CSMD1: variants seen among roughly 807,000 people sequenced by gnomAD.
CSMD1 encodes the protein CUB and Sushi multiple domains 1.
CSMD1 carries 213 observed loss-of-function variants against 417.5 expected under a neutral mutation model. That is an observed-to-expected ratio of 0.51 (90% CI 0.46 to 0.57). The LOEUF (loss-of-function observed/expected upper bound fraction) is 0.57. Among genes scored for constraint, CSMD1 ranks in the 20% least tolerant of loss-of-function variants. The pLI is 0.00. For synonymous variants in CSMD1, 2,862 were observed against 1,736.8 expected (o/e 1.65, Z -16.11); for missense variants, 6,923 against 4,529.7 (o/e 1.53, Z -15.17).
chr8:4,198,610 T>G (rs1412706853), intron 3 of CSMD1, among the ~76,000 whole-genome samples: 1 of 152,180 alleles, frequency 6.6e-6, no homozygotes, highest in East Asian at 1.9e-4. Flanking sequence ...GTAATGAGTC[T>G]TTAAGCATAT....
intron 2 of CSMD1, among the ~76,000 whole-genome samples, chr8:4,623,357 C>A (rs778339474): frequency 2.0e-5 from 3 of 152,040 alleles, no homozygotes; most frequent in African/African-American, 7.2e-5. Flanking sequence ...CAAAAACATA[C>A]AACAACTAAA....
At position 3,966,027 on chromosome 8, in the gene CSMD1, A is replaced by C. The variant is rs538182749; in HGVS notation, c.818+31876T>G. 6.6e-5 allele frequency among the ~76,000 whole-genome samples: 10 copies of C among 152,342 alleles called. No homozygotes were observed. In the East Asian group the frequency reaches 1.9e-3, roughly 29 times the overall value. On this transcript the variant is annotated intron_variant, in intron 5 of 69. Transcript: ENST00000635120. Reference sequence around the variant, plus strand: ...CATAGATTCAATTTTAGAAAGAAGCAGAAGACACTGGTGAGAGAATGAATG... The same window carrying C: ...CATAGATTCAATTTTAGAAAGAAGCCGAAGACACTGGTGAGAGAATGAATG...
chr8:4,297,361 A>G (rs887912542), intron 3 of CSMD1, among the ~76,000 whole-genome samples: 1 of 152,120 alleles, frequency 6.6e-6, no homozygotes, highest in Non-Finnish European at 1.5e-5. Flanking sequence ...AACAAAAGAT[A>G]AAAGATGCAG....
intron 11 of CSMD1, among the ~76,000 whole-genome samples, chr8:3,490,279 TTCAAGCTA>T (rs1234362699): frequency 6.6e-6 from 1 of 152,210 alleles, no homozygotes; most frequent in Non-Finnish European, 1.5e-5. Context: ...CATTTACAGA[TTCAAGCTA>T]TTGAGAGAAG....
chr8:3,185,810 A>T (rs1188862540), intron 36 of CSMD1, among the ~76,000 whole-genome samples: 1 of 152,238 alleles, frequency 6.6e-6, no homozygotes, highest in African/African-American at 2.4e-5. Flanking sequence ...CTCAGAGATT[A>T]ATATAGATTC....
At chr8:4,915,389 C>A (rs1024065817) in intron 1 of CSMD1, among the ~76,000 whole-genome samples, 1 of 152,140 alleles carries the variant, frequency 6.6e-6, no homozygotes, top group Admixed American at 6.6e-5. Context: ...GATTCTGATC[C>A]GTATTTTAGA....
intron 3 of CSMD1, among the ~76,000 whole-genome samples, chr8:4,402,372 G>C (rs376116188): frequency 1.1e-4 from 17 of 151,702 alleles, no homozygotes; most frequent in Admixed American, 1.1e-3. Context: ...CAATTCCCTT[G>C]TTCCTCTCTG....
intron 1 of CSMD1, among the ~76,000 whole-genome samples, chr8:4,759,493 C>A: frequency 6.6e-6 from 1 of 152,194 alleles, no homozygotes; most frequent in East Asian, 1.9e-4. Context: ...GTTTGCTGCA[C>A]CTATCAACCC....
At chr8:3,790,548 C>A (rs765322654) in intron 5 of CSMD1, among the ~76,000 whole-genome samples, 1 of 152,096 alleles carries the variant, frequency 6.6e-6, no homozygotes, top group Non-Finnish European at 1.5e-5. Flanking sequence ...ACAACAGAAA[C>A]TTAGACAACT....
chr8:3,949,538 A>C (rs1811461665), intron 5 of CSMD1, among the ~76,000 whole-genome samples: 1 of 152,162 alleles, frequency 6.6e-6, no homozygotes, highest in African/African-American at 2.4e-5. Flanking sequence ...AGCAACATTA[A>C]GTGTGTCTAA....
At chr8:3,018,741 C>A (rs560388779) in intron 51 of CSMD1, 91 bp from the exon 52 acceptor site, 124 of 1,228,506 alleles carry the variant, frequency 1.0e-4, no homozygotes, top group African/African-American at 9.0e-4. Flanking sequence ...ACAAAAAAAA[C>A]CAAAAAACTA....
intron 5 of CSMD1, among the ~76,000 whole-genome samples, chr8:3,765,474 T>C (rs1798214691): frequency 6.6e-6 from 1 of 152,178 alleles, no homozygotes; most frequent in Admixed American, 6.5e-5. Flanking sequence ...GAGGTCTACC[T>C]CACCTCTGCA....
chr8:3,833,764 G>A (rs533959931), intron 5 of CSMD1, among the ~76,000 whole-genome samples: 13 of 152,192 alleles, frequency 8.5e-5, no homozygotes, highest in African/African-American at 2.6e-4. Flanking sequence ...ATGTGGCCCT[G>A]GTTCTCTTCT....
chr8:3,382,144 G>A (rs1225985303), intron 18 of CSMD1, among the ~76,000 whole-genome samples: 4 of 151,712 alleles, frequency 2.6e-5, no homozygotes, highest in African/African-American at 7.3e-5. Flanking sequence ...CTGTAATCCC[G>A]GCTGCTCGGG....
At chr8:4,984,248 A>G (rs1160998369) in intron 1 of CSMD1, among the ~76,000 whole-genome samples, 1 of 152,198 alleles carries the variant, frequency 6.6e-6, no homozygotes, top group Non-Finnish European at 1.5e-5. Flanking sequence ...AAAATGTCTA[A>G]TGTTCTAGCT....
At chr8:3,436,122 G>C (rs955159814) in intron 12 of CSMD1, among the ~76,000 whole-genome samples, 2 of 152,050 alleles carry the variant, frequency 1.3e-5, no homozygotes, top group African/African-American at 4.8e-5. Context: ...CCAGCCCTCT[G>C]ACCATTCCCC....
At chr8:3,370,834 G>A (rs538021286) in intron 18 of CSMD1, among the ~76,000 whole-genome samples, 14 of 152,108 alleles carry the variant, frequency 9.2e-5, no homozygotes, top group Non-Finnish European at 2.1e-4. Context: ...TTATTAGCCA[G>A]GCATAGTGGC....
chr8:3,164,267 G>C (rs953705062), intron 37 of CSMD1, among the ~76,000 whole-genome samples: 3 of 152,126 alleles, frequency 2.0e-5, no homozygotes, highest in Admixed American at 2.0e-4. Context: ...AGAATGAGTA[G>C]GTAGGAGGAG....
intron 68 of CSMD1, 94 bp from the exon 69 acceptor site, chr8:2,942,698 A>G (rs537479601): frequency 2.1e-6 from 2 of 965,692 alleles, no homozygotes; most frequent in Admixed American, 6.8e-5. Flanking sequence ...GAACTCTTCA[A>G]GAAGCAGACG....
Sources: allele counts gnomAD v4.1 joint callset (sites outside exome capture counted in the v4.1 genomes callset), GRCh38; gene constraint gnomAD v4.1.1; transcripts MANE v1.5; gene names NCBI Gene and HGNC (gene_info 2026-07-23, HGNC 2026-07-21).